CFAP54: variants seen among roughly 807,000 people sequenced by gnomAD.
CFAP54 encodes the protein cilia and flagella associated protein 54.
CFAP54 carries 290 observed loss-of-function variants against 370.4 expected under a neutral mutation model. That is an observed-to-expected ratio of 0.78 (90% CI 0.71 to 0.86). CFAP54 has a LOEUF of 0.86. Ranked by LOEUF, CFAP54 falls within the 40% of genes least tolerant of loss-of-function variation. The pLI is 0.00. For synonymous variants in CFAP54, 1,206 were observed against 1,236.5 expected (o/e 0.98, Z 0.52); for missense variants, 3,399 against 3,528.7 (o/e 0.96, Z 0.93).
At position 96,509,994 on chromosome 12, in the gene CFAP54, C is replaced by A. The variant is rs150999657; in HGVS notation, c.739+2895C>A. ...ATTAGGGACTTGGTTAAAAATGAAA[C>A]AGGCCCGGCATGGTGGCTCACGCCT... On this transcript the variant is annotated intron_variant, in intron 4 of 67. Coordinates refer to ENST00000524981, the MANE Select transcript of CFAP54 (RefSeq NM_001306084.2). Among the ~76,000 whole-genome samples the A allele has an allele frequency of 3.3e-3, 503 of 151,754 alleles. 5 individuals carry two copies. The highest frequency in any genetic ancestry group is 0.011 in the African/African-American group (465 of 41,412).
intron 50 of CFAP54, among the ~76,000 whole-genome samples, chr12:96,737,446 A>G (rs1470238005): frequency 1.3e-5 from 2 of 149,306 alleles, no homozygotes; most frequent in Non-Finnish European, 3.0e-5. Context: ...CAATATTTTC[A>G]GTTTTTAATA....
intron 67 of CFAP54, among the ~76,000 whole-genome samples, chr12:96,872,810 A>G (rs1249725097): frequency 6.6e-6 from 1 of 152,134 alleles, no homozygotes; most frequent in Non-Finnish European, 1.5e-5. Flanking sequence ...TAGGGTCACA[A>G]ATCTTCCCAG....
At chr12:96,813,034 A>G (rs1455269459) in intron 64 of CFAP54, among the ~76,000 whole-genome samples, 2 of 152,190 alleles carry the variant, frequency 1.3e-5, no homozygotes, top group African/African-American at 2.4e-5. Flanking sequence ...ACAGACCAGC[A>G]TAGCTAAGCA....
chr12:96,505,637 G>A (rs11609058), intron 3 of CFAP54, among the ~76,000 whole-genome samples: 15,092 of 151,294 alleles, frequency 0.1, 1,224 homozygotes, highest in East Asian at 0.45. Context: ...TGAGTAGCTG[G>A]GATTACAGGT....
intron 50 of CFAP54, among the ~76,000 whole-genome samples, chr12:96,734,925 T>G (rs1159393378): frequency 6.6e-6 from 1 of 152,204 alleles, no homozygotes; most frequent in Non-Finnish European, 1.5e-5. Flanking sequence ...TCCTTTCATT[T>G]TTACATAAAA....
intron 29 of CFAP54, 23 bp from the exon 30 acceptor site, chr12:96,626,790 T>C: frequency 7.8e-7 from 1 of 1,276,614 alleles, no homozygotes; most frequent in Non-Finnish European, 1.0e-6. Context: ...GTTAACTATA[T>C]ATGAACTTCC....
At chr12:96,874,631 TA>T (rs773384536) in intron 67 of CFAP54, among the ~76,000 whole-genome samples, 1,326 of 23,792 alleles carry the variant, frequency 0.056, 505 homozygotes, top group African/African-American at 0.13. Flanking sequence ...ATTTTTATTT[TA>T]TTTTTTTTTT....
At chr12:96,715,830 T>TA (rs1957671741) in intron 48 of CFAP54, among the ~76,000 whole-genome samples, 1 of 152,204 alleles carries the variant, frequency 6.6e-6, no homozygotes, top group Non-Finnish European at 1.5e-5. Context: ...CCCAAGAACA[T>TA]AATATATTTT....
At chr12:96,504,084 A>G (rs1955063092) in intron 3 of CFAP54, 55 bp downstream of exon 3, 2 of 1,415,772 alleles carry the variant, frequency 1.4e-6, no homozygotes, top group Middle Eastern at 2.0e-4. Context: ...TATACAATGT[A>G]TCTTTTAGTT....
rs1045099175 is a variant in CFAP54, at chr12:96,792,336, G to A, written c.8687G>A (p.Arg2896His). The A allele has an allele frequency of 2.3e-5, 34 of 1,506,154 alleles. No individual in the cohort carries two copies. Among genetic ancestry groups the A allele is most frequent in the South Asian group, 3.8e-5 (3 of 78,074 alleles). 93.3% of individuals were successfully genotyped at this position (1,506,154 alleles called of 1,614,324 possible). Residue 2896 changes from arginine (R) to histidine (H), a missense_variant, in exon 63 of 68, where the codon CGC (arginine) becomes CAC (histidine). By Grantham distance (29) the Arg-to-His change is conservative (BLOSUM62 0). Coordinates refer to ENST00000524981, the MANE Select transcript of CFAP54 (RefSeq NM_001306084.2). The stretch of plus-strand genomic sequence containing the variant: ...TTTTTGTTTGTTCCCTAGTTGTATC[G>A]CGATAGTTCTGTACAATCCATTTTA... ...DLRESSAKLY[R>H]DSSVQSILSF...
At chr12:96,526,381 C>G (rs909312207) in intron 8 of CFAP54, among the ~76,000 whole-genome samples, 2 of 152,234 alleles carry the variant, frequency 1.3e-5, no homozygotes, top group Non-Finnish European at 2.9e-5. Flanking sequence ...TAGCATAAAG[C>G]TGATCAATTC....
chr12:96,640,350 T>C (rs868784979), intron 32 of CFAP54, among the ~76,000 whole-genome samples: 75 of 152,240 alleles, frequency 4.9e-4, no homozygotes, highest in African/African-American at 1.7e-3. Flanking sequence ...ATAAAATAAC[T>C]AGGAATCCAA....
chr12:96,515,829 A>C (rs1694785576), intron 5 of CFAP54, among the ~76,000 whole-genome samples: 1 of 151,906 alleles, frequency 6.6e-6, no homozygotes, highest in African/African-American at 2.4e-5. Flanking sequence ...ACCGTCATCA[A>C]GTATGCTTGT....
intron 63 of CFAP54, among the ~76,000 whole-genome samples, chr12:96,804,699 T>A (rs1958859517): frequency 6.6e-6 from 1 of 151,762 alleles, no homozygotes; most frequent in Admixed American, 6.6e-5. Context: ...CCCAAAGCAA[T>A]CTACAGGTTC....
chr12:96,820,132 A>G (rs545923261), intron 65 of CFAP54, among the ~76,000 whole-genome samples: 1 of 151,998 alleles, frequency 6.6e-6, no homozygotes, highest in Non-Finnish European at 1.5e-5. Context: ...CTCTTGCCTC[A>G]CTCTGCTGAT....
chr12:96,816,403 GGTAA>G (rs1958975178), intron 64 of CFAP54, among the ~76,000 whole-genome samples: 1 of 151,910 alleles, frequency 6.6e-6, no homozygotes, highest in Non-Finnish European at 1.5e-5. Flanking sequence ...TTTTTCAATG[GGTAA>G]GTTTTTCAAG....
At chr12:96,641,442 G>A (rs1956726557) in intron 32 of CFAP54, among the ~76,000 whole-genome samples, 1 of 152,070 alleles carries the variant, frequency 6.6e-6, no homozygotes, top group African/African-American at 2.4e-5. Context: ...GTGCTGGAGA[G>A]GATGTGGAGA....
At chr12:96,658,410 A>T (rs1956949780) in intron 38 of CFAP54, 64 bp downstream of exon 38, 1 of 1,547,776 alleles carries the variant, frequency 6.5e-7, no homozygotes, top group African/African-American at 1.4e-5. Context: ...CATATAAAAT[A>T]CAAAGATTTA....
In CFAP54 at chr12:96,500,513, A is replaced by G. The variant is rs527427874; in HGVS notation, c.318-321A>G. Among the ~76,000 whole-genome samples, 47 of 152,304 alleles carry G rather than the reference A, an allele frequency of 3.1e-4. 1 individual carries two copies. Among genetic ancestry groups the G allele is most frequent in the African/African-American group, 1.1e-3 (46 of 41,566 alleles). On this transcript the variant is annotated intron_variant, in intron 1 of 67. Coordinates refer to ENST00000524981, the MANE Select transcript of CFAP54 (RefSeq NM_001306084.2). Reference sequence around the variant, plus strand: ...GTACCATTCTAGTGGAGATGTTGATAATGGGGAGGGCTGTGCATGTTTGGG... The same window carrying G: ...GTACCATTCTAGTGGAGATGTTGATGATGGGGAGGGCTGTGCATGTTTGGG...
Sources: allele counts gnomAD v4.1 joint callset (sites outside exome capture counted in the v4.1 genomes callset), GRCh38; gene constraint gnomAD v4.1.1; transcripts MANE v1.5; gene names NCBI Gene and HGNC (gene_info 2026-07-23, HGNC 2026-07-21).